Variants in TMTC1 observed in about 807,000 individuals in gnomAD.
TMTC1 encodes protein O-mannosyl-transferase TMTC1.
A neutral mutation model predicts 104.8 loss-of-function variants in TMTC1; 73 were observed. The ratio of observed to expected loss-of-function variants is 0.70; its 90% CI spans 0.58 to 0.85. The LOEUF (loss-of-function observed/expected upper bound fraction) is 0.85. Ranked by LOEUF, TMTC1 falls within the 40% of genes least tolerant of loss-of-function variation. The pLI is 0.00. For synonymous variants in TMTC1, 434 were observed against 428.7 expected (o/e 1.01, Z -0.15); for missense variants, 1,035 against 1,096.1 (o/e 0.94, Z 0.79).
At chr12:29,666,044 T>A (rs1264027775) in intron 5 of TMTC1, among the ~76,000 whole-genome samples, 1 of 151,880 alleles carries the variant, frequency 6.6e-6, no homozygotes, top group Non-Finnish European at 1.5e-5. Flanking sequence ...CAAAATTCCA[T>A]CACAGTGGTC....
At chr12:29,629,998 C>A (rs1938214680) in intron 6 of TMTC1, among the ~76,000 whole-genome samples, 1 of 152,096 alleles carries the variant, frequency 6.6e-6, no homozygotes, top group Non-Finnish European at 1.5e-5. Flanking sequence ...AGTTCCCATA[C>A]AACAAATTCA....
rs149386331 is a variant in TMTC1 at position 29,573,460 on chromosome 12, G to T, written c.1419-1242C>A. Among the ~76,000 whole-genome samples the T allele has an allele frequency of 2.4e-4, 36 of 152,284 alleles. No individual in the cohort carries two copies. In the East Asian group the frequency reaches 6.2e-3, roughly 26 times the overall value. Reference sequence around the variant, plus strand: ...ACCACACACTGTGCCAGGTGCTGGGGATACAATATGGTTAGAGTCCCAGCC... The same window carrying T: ...ACCACACACTGTGCCAGGTGCTGGGTATACAATATGGTTAGAGTCCCAGCC... On this transcript the variant is annotated intron_variant, in intron 8 of 17. Coordinates refer to ENST00000539277, the MANE Select transcript of TMTC1 (RefSeq NM_001193451.2).
intron 5 of TMTC1, among the ~76,000 whole-genome samples, chr12:29,653,012 A>C (rs1419473353): frequency 6.6e-6 from 1 of 152,074 alleles, no homozygotes; most frequent in Non-Finnish European, 1.5e-5. Flanking sequence ...CAGTGAGCCA[A>C]AATCTTGCCA....
intron 17 of TMTC1, among the ~76,000 whole-genome samples, chr12:29,510,612 C>T (rs1943806455): frequency 1.3e-5 from 2 of 152,114 alleles, no homozygotes; most frequent in South Asian, 4.1e-4. Context: ...CCATTAACCC[C>T]TCCCATTTGT....
At chr12:29,607,293 C>A (rs1946728439) in intron 6 of TMTC1, among the ~76,000 whole-genome samples, 1 of 152,178 alleles carries the variant, frequency 6.6e-6, no homozygotes, top group South Asian at 2.1e-4. Context: ...GACTTGTGTT[C>A]ACTGGTGAAC....
chr12:29,638,535 A>G (rs1263043799), intron 5 of TMTC1, among the ~76,000 whole-genome samples: 1 of 152,162 alleles, frequency 6.6e-6, no homozygotes, highest in Admixed American at 6.6e-5. Context: ...GGATACAGAA[A>G]GCCCTCTGTC....
At chr12:29,636,599 C>A (rs1370324865) in intron 5 of TMTC1, among the ~76,000 whole-genome samples, 2 of 151,966 alleles carry the variant, frequency 1.3e-5, no homozygotes, top group African/African-American at 4.8e-5. Flanking sequence ...GCGGGCGGAT[C>A]ACAAGGTCAA....
At position 29,523,236 on chromosome 12, in the gene TMTC1, A is replaced by G. The variant is rs1030384208; in HGVS notation, c.1786-2516T>C. On this transcript the variant is annotated intron_variant, in intron 11 of 17. Coordinates refer to ENST00000539277, the MANE Select transcript of TMTC1 (RefSeq NM_001193451.2). ...AACAAAGTTTATTTGAGCAAGAAAG[A>G]GTTCACAGATTGGGCAACCCCCTGA... Among the ~76,000 whole-genome samples, 2 of 152,260 alleles carry G rather than the reference A, an allele frequency of 1.3e-5. 1 individual carries two copies. The highest frequency in any genetic ancestry group is 4.1e-4 in the South Asian group (2 of 4,826).
In TMTC1 at chr12:29,633,324, A is replaced by G; in HGVS notation, c.951T>C (p.Tyr317=). 1 of 1,609,436 alleles carries G rather than the reference A, an allele frequency of 6.2e-7. No individual in the cohort carries two copies. Among genetic ancestry groups the G allele is most frequent in the South Asian group, 1.1e-5 (1 of 90,510 alleles). Residue 317 remains tyrosine (Y), a synonymous_variant, in exon 6 of 18, where the codon TAT becomes TAC. Coordinates refer to ENST00000539277, the MANE Select transcript of TMTC1 (RefSeq NM_001193451.2). ...AVWSMMRFLT[Y]SYLLAFNVWL... ...ACACATTGAAGGCCAAGAGGTAGGA[A>G]TAGGTGAGGAATCTATAAAGAGAAG... is the stretch of plus-strand genomic sequence containing the variant.
chr12:29,780,426 A>G (rs1943807754), intron 1 of TMTC1, among the ~76,000 whole-genome samples: 1 of 152,226 alleles, frequency 6.6e-6, no homozygotes, highest in African/African-American at 2.4e-5. Flanking sequence ...CCATTTATAC[A>G]ACAGTATTAA....
intron 5 of TMTC1, among the ~76,000 whole-genome samples, chr12:29,672,721 CG>C (rs1184010465): frequency 1.3e-5 from 2 of 152,308 alleles, no homozygotes; most frequent in Admixed American, 1.3e-4. Flanking sequence ...CTCAGACACA[CG>C]TACACACTGA....
rs559769062 is a variant in TMTC1 at position 29,760,238 on chromosome 12, G to A, written c.481-1461C>T. Among the ~76,000 whole-genome samples, 7 of 152,032 alleles carry A rather than the reference G, an allele frequency of 4.6e-5. No homozygotes were observed. In the South Asian group the frequency reaches 1.5e-3, roughly 32 times the overall value. ...AATGCATAATTGTATATACATAAAT[G>A]AATGAATGGATACATATAAATGTAC... On this transcript the variant is annotated intron_variant, in intron 2 of 17. Transcript: ENST00000539277.
chr12:29,535,918 T>C lies in TMTC1; in HGVS notation c.1785+291A>G, dbSNP rs1944629223. 2.5e-5 allele frequency: 8 copies of C among 314,994 alleles called. No homozygotes were observed. The South Asian group carries it at 3.6e-4, about 14-fold the overall frequency. 19.5% of individuals were successfully genotyped at this position (314,994 alleles called of 1,614,324 possible). ...TCAGAAAAATATTACAAGTAAGTGG[T>C]AATAAAAACATCAAATATCATGTAT... On this transcript the variant is annotated intron_variant, in intron 11 of 17. Transcript: ENST00000539277.
chr12:29,637,117 CACACACAA>C (rs1490459279), intron 5 of TMTC1, among the ~76,000 whole-genome samples: 2,568 of 151,134 alleles, frequency 0.017, 69 homozygotes, highest in African/African-American at 0.059. Flanking sequence ...CACACACACA[CACACACAA>C]AAGAACAACA....
chr12:29,749,687 T>G (rs1239726252), intron 5 of TMTC1, among the ~76,000 whole-genome samples: 1 of 152,148 alleles, frequency 6.6e-6, no homozygotes, highest in African/African-American at 2.4e-5. Context: ...TCATGCATTA[T>G]TATGATTTTA....
chr12:29,770,160 C>CT (rs1943563866), intron 1 of TMTC1, among the ~76,000 whole-genome samples: 1 of 151,874 alleles, frequency 6.6e-6, no homozygotes, highest in African/African-American at 2.4e-5. Flanking sequence ...AAAAAAAAGG[C>CT]TTATTTTTGC....
chr12:29,697,588 AT>A (rs143634986), intron 5 of TMTC1, among the ~76,000 whole-genome samples: 8,544 of 152,260 alleles, frequency 0.056, 334 homozygotes, highest in African/African-American at 0.11. Flanking sequence ...AAAGTTCAAA[AT>A]CTGCATGGCA....
chr12:29,503,624 G>A lies in TMTC1; in HGVS notation c.*3222C>T, dbSNP rs1207739659. The A allele has an allele frequency of 6.6e-6, 1 of 152,110 alleles. No homozygotes were observed. Among genetic ancestry groups the A allele is most frequent in the East Asian group, 1.9e-4 (1 of 5,190 alleles). The allele number at this position is 152,110 out of a possible 1,614,324, so 9.4% of individuals were successfully genotyped here. ...GTAGCTGGAAAAAAATAGCAAATCT[G>A]TTCAGAGTAACACAATCATAAAATG... On this transcript the variant is annotated 3_prime_UTR_variant, in exon 18 of 18. Coordinates refer to ENST00000539277, the MANE Select transcript of TMTC1 (RefSeq NM_001193451.2).
chr12:29,645,332 C>A (rs1277698117), intron 5 of TMTC1, among the ~76,000 whole-genome samples: 1 of 152,202 alleles, frequency 6.6e-6, no homozygotes. Flanking sequence ...GTGCTACAGG[C>A]ATTCCCTTCA....
Sources: gnomAD v4.1 joint callset for allele counts (sites outside exome capture counted in the v4.1 genomes callset) on GRCh38, gnomAD v4.1.1 for gene constraint, MANE v1.5 for transcripts, NCBI Gene and HGNC (gene_info 2026-07-23, HGNC 2026-07-21) for gene names.